AGK: variants seen among roughly 807,000 people sequenced by gnomAD.
The protein encoded by AGK is acylglycerol kinase, also known as acylglycerol kinase, mitochondrial.
AGK carries 52 observed loss-of-function variants against 66.4 expected under a neutral mutation model. The ratio of observed to expected loss-of-function variants is 0.78; its 90% CI spans 0.63 to 0.99. The LOEUF (loss-of-function observed/expected upper bound fraction) is 0.99, where lower values mean the gene tolerates loss of function less well. Among genes scored for constraint, AGK ranks in the 50% least tolerant of loss-of-function variants. The pLI, the probability that AGK is intolerant of heterozygous loss-of-function variation, is 0.00. For synonymous variants in AGK, 182 were observed against 181.1 expected, an observed-to-expected ratio of 1.00 and a Z score of -0.04; for missense variants, 451 against 506.6, an observed-to-expected ratio of 0.89 and a Z score of 1.05.
intron 2 of AGK, among the ~76,000 whole-genome samples, chr7:141,582,436 A>G (rs1795900686): frequency 6.6e-6 from 1 of 151,998 alleles, no homozygotes; most frequent in South Asian, 2.1e-4. Context: ...GGCAAGGTTA[A>G]TTAAGTTCTA....
rs947331234 is a variant in AGK at position 141,601,369 on chromosome 7, T to C, written c.297+89T>C. 3.7e-5 allele frequency: 37 copies of C among 996,366 alleles called. 1 individual carries two copies. Among genetic ancestry groups the C allele is most frequent in the Admixed American group, 3.6e-4 (16 of 44,200 alleles). 61.7% of individuals were successfully genotyped at this position (996,366 alleles called of 1,614,324 possible). On this transcript the variant is annotated intron_variant, in intron 5 of 15. Coordinates refer to ENST00000649286, the MANE Select transcript of AGK (RefSeq NM_018238.4). Reference sequence around the variant, plus strand: ...TTGGCTTCTTAGCAAAAATTGCTTGTCACAAGAGCAAAGAAATTAATGTTG... The same window carrying C: ...TTGGCTTCTTAGCAAAAATTGCTTGCCACAAGAGCAAAGAAATTAATGTTG...
chr7:141,639,771 C>T (rs1797249110), intron 11 of AGK, among the ~76,000 whole-genome samples: 1 of 152,110 alleles, frequency 6.6e-6, no homozygotes, highest in Admixed American at 6.5e-5. Context: ...GACATGAATG[C>T]TCCTTTGGGT....
Position 141,598,692 on chromosome 7 carries a change from G to A in AGK, c.221+2051G>A, listed in dbSNP as rs1346862749. The stretch of plus-strand genomic sequence containing the variant: ...TACTCTTGACTATGGGTTAGGTTCA[G>A]AACAGTCTTCACTTCGCTATCCCAT... On this transcript the variant is annotated intron_variant, in intron 4 of 15. Coordinates refer to ENST00000649286, the MANE Select transcript of AGK (RefSeq NM_018238.4). This position sits in a 1 kb window ranked among gnomAD's most constrained non-coding sequence, Gnocchi z 4.2. 6.6e-6 allele frequency among the ~76,000 whole-genome samples: 1 copy of A among 152,152 alleles called. No homozygotes were observed. Among genetic ancestry groups the A allele is most frequent in the Non-Finnish European group, 1.5e-5 (1 of 68,026 alleles).
intron 2 of AGK, among the ~76,000 whole-genome samples, chr7:141,561,695 T>G (rs1213490605): frequency 2.0e-5 from 3 of 151,988 alleles, no homozygotes; most frequent in Admixed American, 6.6e-5. Context: ...TCCAAGGCCC[T>G]ATGTGATCAC....
At chr7:141,588,615 C>T (rs990932882) in intron 2 of AGK, among the ~76,000 whole-genome samples, 35 of 146,514 alleles carry the variant, frequency 2.4e-4, no homozygotes, top group South Asian at 8.6e-4. Context: ...TACTTCGCCT[C>T]GGAAAAAAAA....
chr7:141,614,052 A>T (rs1328608687), intron 6 of AGK, 94 bp from the exon 7 acceptor site: 1 of 877,482 alleles, frequency 1.1e-6, no homozygotes, highest in Admixed American at 2.3e-5. Flanking sequence ...AGAAAACAGG[A>T]GTAAGTTTAT....
intron 9 of AGK, among the ~76,000 whole-genome samples, chr7:141,627,905 G>A (rs922108704): frequency 5.3e-5 from 8 of 152,074 alleles, no homozygotes; most frequent in South Asian, 2.1e-4. Flanking sequence ...TTATTGAGAC[G>A]GAGTCTCACT....
intron 2 of AGK, among the ~76,000 whole-genome samples, chr7:141,560,883 G>GCCCA (rs999236453): frequency 6.8e-4 from 97 of 142,768 alleles, no homozygotes; most frequent in African/African-American, 2.4e-3. Context: ...TGCAAGCTCC[G>GCCCA]CCTCCCGGCT....
Position 141,596,633 on chromosome 7 carries a change from T to G in AGK, c.213T>G (p.Ala71=), listed in dbSNP as rs759277823. 2.5e-6 allele frequency: 4 copies of G among 1,613,930 alleles called. No individual in the cohort carries two copies. The highest frequency in any genetic ancestry group is 3.4e-6 in the Non-Finnish European group (4 of 1,179,828). Residue 71 remains alanine, a synonymous_variant, in exon 4 of 16, where the codon GCT becomes GCG. Coordinates refer to ENST00000649286, the MANE Select transcript of AGK (RefSeq NM_018238.4). ...CCACTGTTTTTCTCAATCCTGCAGC[T>G]TGCAAAGGGTAGTTCCGTTTGTGAC... The part of the protein sequence containing the change: ...KKATVFLNPA[A]CKGKARTLFE...
intron 12 of AGK, 55 bp from the exon 13 acceptor site, chr7:141,641,756 T>C: frequency 7.0e-7 from 1 of 1,428,298 alleles, no homozygotes; most frequent in Non-Finnish European, 9.7e-7. Context: ...CCGTCCGTGG[T>C]GGGTGGTGAA....
intron 6 of AGK, among the ~76,000 whole-genome samples, chr7:141,612,811 A>G (rs1171600970): frequency 2.0e-5 from 3 of 152,324 alleles, no homozygotes; most frequent in South Asian, 2.1e-4. Flanking sequence ...AGAGTAGTGC[A>G]TTCATTATAT....
chr7:141,635,459 A>C (rs1397349718), intron 10 of AGK, among the ~76,000 whole-genome samples: 1 of 152,158 alleles, frequency 6.6e-6, no homozygotes, highest in East Asian at 1.9e-4. Flanking sequence ...TATAAAGTAA[A>C]TTTTAAAAAA....
rs191076186 is a variant in AGK, at chr7:141,647,158, A to T, written c.976-2105A>T. Among the ~76,000 whole-genome samples the T allele has an allele frequency of 3.4e-3, 504 of 149,190 alleles. 5 individuals are homozygous for T. Among genetic ancestry groups the T allele is most frequent in the African/African-American group, 0.012 (485 of 40,406 alleles). ...CTCCTGAACCCTGGGCCGTTCTTACACATTTATCTATAATGTTAATTCCTA... is the reference window on the plus strand; with the variant it reads ...CTCCTGAACCCTGGGCCGTTCTTACTCATTTATCTATAATGTTAATTCCTA... On this transcript the variant is annotated intron_variant, in intron 13 of 15. Transcript: ENST00000649286.
chr7:141,586,955 T>C, intron 2 of AGK, among the ~76,000 whole-genome samples: 1 of 152,176 alleles, frequency 6.6e-6, no homozygotes, highest in African/African-American at 2.4e-5. Context: ...TCTATCAACA[T>C]GTAGCTAAGA....
At chr7:141,577,777 T>G (rs994503280) in intron 2 of AGK, among the ~76,000 whole-genome samples, 1 of 151,826 alleles carries the variant, frequency 6.6e-6, no homozygotes, top group African/African-American at 2.4e-5. Flanking sequence ...TCAATTCAAG[T>G]TGTCCTGCCC....
Position 141,652,920 on chromosome 7 carries a change from A to G in AGK, c.1265A>G (p.Gln422Arg), listed in dbSNP as rs764308466. The G allele has an allele frequency of 2.5e-6, 4 of 1,613,924 alleles. No individual in the cohort carries two copies. The highest frequency in any genetic ancestry group is 2.5e-6 in the Non-Finnish European group (3 of 1,179,978). ...GAACAGATGCTCACAAGCCCCACCCAGTGAGCAGCAGAAGACAAGCACTCT... is the reference window on the plus strand; with the variant it reads ...GAACAGATGCTCACAAGCCCCACCCGGTGAGCAGCAGAAGACAAGCACTCT... ...KREQMLTSPT[Q>R] Residue 422 changes from glutamine (Q) to arginine (R), a missense_variant, in exon 16 of 16, where the codon CAG (glutamine) becomes CGG (arginine). Physicochemically the swap from Gln to Arg is conservative, Grantham distance 43 (BLOSUM62 1). Transcript: ENST00000649286.
At chr7:141,571,610 T>C (rs1795609500) in intron 2 of AGK, among the ~76,000 whole-genome samples, 1 of 152,198 alleles carries the variant, frequency 6.6e-6, no homozygotes, top group Non-Finnish European at 1.5e-5. Flanking sequence ...TAGATCCTCA[T>C]GTGATCAGCT....
At chr7:141,585,917 G>A (rs142221645) in intron 2 of AGK, among the ~76,000 whole-genome samples, 1 of 152,226 alleles carries the variant, frequency 6.6e-6, no homozygotes, top group East Asian at 1.9e-4. Context: ...ACGTTTTGTA[G>A]CACCTCTTTT....
At chr7:141,578,081 C>T (rs941902614) in intron 2 of AGK, among the ~76,000 whole-genome samples, 3 of 152,040 alleles carry the variant, frequency 2.0e-5, no homozygotes, top group Admixed American at 6.6e-5. Context: ...CTCAGTATCA[C>T]GCGCGTCCAT....
Sources: gnomAD v4.1 joint callset for allele counts (sites outside exome capture counted in the v4.1 genomes callset) on GRCh38, gnomAD v4.1.1 for gene constraint, Gnocchi (gnomAD v3.1) non-coding constraint, MANE v1.5 for transcripts, NCBI Gene and HGNC (gene_info 2026-07-23, HGNC 2026-07-21) for gene names.